The following GSE1 variants were observed in gnomAD, a reference collection of about 807,000 sequenced individuals.
GSE1 encodes the protein genetic suppressor element 1.
Under a neutral mutation model 112.6 loss-of-function variants are expected in GSE1, and 32 were observed. The observed-to-expected ratio is 0.28, with a 90% CI of 0.21 to 0.38. The LOEUF is 0.38. Ranked by LOEUF, GSE1 falls within the 10% of genes least tolerant of loss-of-function variation. GSE1 has a pLI of 1.00. For synonymous variants in GSE1, 1,115 were observed against 735.6 expected (o/e 1.52, Z -8.35); for missense variants, 2,348 against 1,699.2 (o/e 1.38, Z -6.71).
chr16:85,429,125 A>G (rs927038652), intron 2 of GSE1, among the ~76,000 whole-genome samples: 3 of 152,214 alleles, frequency 2.0e-5, no homozygotes, highest in South Asian at 2.1e-4. Flanking sequence ...GTGCCTGCTC[A>G]TCACAAGCAC....
intron 2 of GSE1, among the ~76,000 whole-genome samples, chr16:85,645,196 G>T (rs1359371653): frequency 6.6e-6 from 1 of 152,048 alleles, no homozygotes; most frequent in Non-Finnish European, 1.5e-5. Context: ...AGTCCATCTG[G>T]GGGTCTGGGG....
intron 1 of GSE1, among the ~76,000 whole-genome samples, chr16:85,586,126 C>T (rs1221727184): frequency 1.3e-5 from 2 of 152,206 alleles, no homozygotes; most frequent in East Asian, 3.9e-4. Context: ...ATTCTGCTGT[C>T]TGCATCTGTC....
At chr16:85,623,081 CTG>C (rs1340469173) in intron 1 of GSE1, among the ~76,000 whole-genome samples, 2 of 152,296 alleles carry the variant, frequency 1.3e-5, no homozygotes, top group East Asian at 3.9e-4. Flanking sequence ...TCGGGAGAAA[CTG>C]GGCACCTTCT....
Position 85,656,530 on chromosome 16 carries a change from G to A in GSE1, c.1177G>A (p.Ala393Thr). The A allele has an allele frequency of 1.3e-6, 2 of 1,549,122 alleles. No homozygotes were observed. The highest frequency in any genetic ancestry group is 1.7e-6 in the Non-Finnish European group (2 of 1,146,504). Residue 393 changes from alanine to threonine, a missense_variant, in exon 7 of 16, where the codon GCC becomes ACC. Ala to Thr is a moderately conservative substitution (Grantham distance 58). Transcript: ENST00000253458. ...RELERQREQRAREKELLAAKA... is the reference protein window; with the variant it reads ...RELERQREQRTREKELLAAKA... ...GCTGGAGCGCCAGCGGGAGCAGCGG[G>A]CCCGGGAGAAGGAGCTGCTGGCCGC... is the stretch of plus-strand genomic sequence containing the variant.
intron 2 of GSE1, among the ~76,000 whole-genome samples, chr16:85,502,073 C>G (rs530008281): frequency 1.8e-3 from 276 of 152,148 alleles, no homozygotes; most frequent in African/African-American, 6.3e-3. Flanking sequence ...GTCAGGGGCA[C>G]TCGATGGGGG....
At chr16:85,439,594 G>A (rs1043163588) in intron 2 of GSE1, among the ~76,000 whole-genome samples, 7 of 151,846 alleles carry the variant, frequency 4.6e-5, no homozygotes, top group Non-Finnish European at 8.8e-5. Flanking sequence ...TGTAATTCTC[G>A]GCCTGTGTCA....
chr16:85,446,846 C>T (rs1003234768), intron 2 of GSE1, among the ~76,000 whole-genome samples: 1 of 152,140 alleles, frequency 6.6e-6, no homozygotes, highest in African/African-American at 2.4e-5. Context: ...CCCGAGGTTC[C>T]TCCCAGGGCC....
chr16:85,228,189 C>G (rs1274533680), intron 1 of GSE1, among the ~76,000 whole-genome samples: 3 of 152,242 alleles, frequency 2.0e-5, no homozygotes, highest in African/African-American at 7.2e-5. Flanking sequence ...CGGAGGAGCC[C>G]TGTCACTTGG....
chr16:85,292,207 T>G (rs1274824643), intron 1 of GSE1, among the ~76,000 whole-genome samples: 1 of 151,884 alleles, frequency 6.6e-6, no homozygotes, highest in Non-Finnish European at 1.5e-5. Context: ...GGCGCAATCT[T>G]GGCTCACTGC....
At chr16:85,395,789 C>A (rs960101247) in intron 2 of GSE1, among the ~76,000 whole-genome samples, 2 of 152,190 alleles carry the variant, frequency 1.3e-5, no homozygotes, top group Non-Finnish European at 2.9e-5. Flanking sequence ...CCGGCTTCCT[C>A]CTGGGCGCCC....
intron 1 of GSE1, among the ~76,000 whole-genome samples, chr16:85,231,857 C>T (rs1435177101): frequency 1.3e-5 from 2 of 152,214 alleles, no homozygotes; most frequent in Non-Finnish European, 2.9e-5. Flanking sequence ...AGCTAGAAGG[C>T]GAGGAACTTG....
At chr16:85,464,489 G>A (rs2050069305) in intron 2 of GSE1, among the ~76,000 whole-genome samples, 1 of 152,250 alleles carries the variant, frequency 6.6e-6, no homozygotes, top group African/African-American at 2.4e-5. Flanking sequence ...GTGCCCGGCT[G>A]GTGGAGGAGG....
chr16:85,648,880 T>G, intron 3 of GSE1, 129 bp downstream of exon 3: 1 of 536,200 alleles, frequency 1.9e-6, no homozygotes. Flanking sequence ...ACCCTGAGTT[T>G]CCGTCTCCTT....
chr16:85,286,977 G>T (rs1165933231), intron 1 of GSE1, among the ~76,000 whole-genome samples: 1 of 152,224 alleles, frequency 6.6e-6, no homozygotes, highest in Non-Finnish European at 1.5e-5. Context: ...AGCGTCGGGG[G>T]CCGCGGGCTC....
At chr16:85,586,728 C>T (rs2046715942) in intron 1 of GSE1, among the ~76,000 whole-genome samples, 1 of 152,194 alleles carries the variant, frequency 6.6e-6, no homozygotes, top group Non-Finnish European at 1.5e-5. Context: ...GACCCCCGTC[C>T]ACAGCCCCGG....
At chr16:85,285,389 T>C (rs905706775) in intron 1 of GSE1, 1 of 152,146 alleles carries the variant, frequency 6.6e-6, no homozygotes, top group African/African-American at 2.4e-5. Context: ...CCCGAGCTTG[T>C]AAGAAAGCAC....
intron 2 of GSE1, among the ~76,000 whole-genome samples, chr16:85,519,551 A>C (rs1211279067): frequency 6.0e-5 from 1 of 16,574 alleles, no homozygotes; most frequent in Non-Finnish European, 1.2e-4. Context: ...CACTATTACC[A>C]CCATCACTAT....
chr16:85,646,980 C>A (rs949662863), intron 2 of GSE1, among the ~76,000 whole-genome samples: 1 of 152,146 alleles, frequency 6.6e-6, no homozygotes, highest in African/African-American at 2.4e-5. Flanking sequence ...ACACCCCCTA[C>A]CCCTGCCACC....
chr16:85,345,243 C>T (rs2046710199), intron 1 of GSE1, among the ~76,000 whole-genome samples: 1 of 152,196 alleles, frequency 6.6e-6, no homozygotes, highest in Admixed American at 6.5e-5. Flanking sequence ...AGTATTTCAC[C>T]ACAGATAAAA....
Sources: gnomAD v4.1 joint callset for allele counts (sites outside exome capture counted in the v4.1 genomes callset) on GRCh38, gnomAD v4.1.1 for gene constraint, MANE v1.5 for transcripts, NCBI Gene and HGNC (gene_info 2026-07-23, HGNC 2026-07-21) for gene names.